The following USP42 variants were observed in gnomAD, a reference collection of about 807,000 sequenced individuals.
USP42 encodes the protein ubiquitin carboxyl-terminal hydrolase 42.
In USP42, 23 loss-of-function variants were observed where a neutral mutation model predicts 113.0. That is an observed-to-expected ratio of 0.20 (90% CI 0.15 to 0.29). USP42 has a LOEUF of 0.29. USP42 is among the 10% of genes least tolerant of loss of function. The pLI is 1.00. For synonymous variants in USP42, 933 were observed against 699.0 expected, an observed-to-expected ratio of 1.33 and a Z score of -5.28; for missense variants, 2,174 against 1,779.8, an observed-to-expected ratio of 1.22 and a Z score of -3.99.
chr7:6,121,371 G>C (rs971323436), intron 3 of USP42, among the ~76,000 whole-genome samples: 39 of 151,884 alleles, frequency 2.6e-4, no homozygotes, highest in African/African-American at 9.2e-4. Context: ...TGGTCATGAT[G>C]CATTATTCTA....
At chr7:6,100,359 C>T (rs947014058), upstream of USP42, among the ~76,000 whole-genome samples, 24 of 149,950 alleles carry the variant, frequency 1.6e-4, 2 homozygotes, top group Admixed American at 4.0e-4. Context: ...TACGGAGTTT[C>T]GCTCTTGTTG....
chr7:6,094,026 G>T, the USP42 span, among the ~76,000 whole-genome samples: 3 of 150,646 alleles, frequency 2.0e-5, 1 homozygote, highest in African/African-American at 7.5e-5. Flanking sequence ...AGTAGCTGGT[G>T]CGTGCCACCA....
the USP42 span, chr7:6,085,107 CTATTTATTTATT>C: frequency 9.3e-5 from 14 of 149,930 alleles, 1 homozygote; most frequent in Admixed American, 8.6e-4. Flanking sequence ...TTAGCCATTC[CTATTTATTTATT>C]TATTTATTTA....
At chr7:6,123,125 C>T (rs140975658) in intron 3 of USP42, among the ~76,000 whole-genome samples, 102 of 152,308 alleles carry the variant, frequency 6.7e-4, no homozygotes, top group African/African-American at 2.4e-3. Flanking sequence ...TGCACCTGGC[C>T]TGTTATGCCC....
At chr7:6,106,888 C>T (rs547536272) in intron 1 of USP42, among the ~76,000 whole-genome samples, 5 of 152,284 alleles carry the variant, frequency 3.3e-5, no homozygotes, top group African/African-American at 9.6e-5. Context: ...TTTTAATGCT[C>T]TTGTAACTTT....
rs932898062 is a variant in USP42 at position 6,159,098 on chromosome 7, G to C, written c.3944-352G>C. On this transcript the variant is annotated intron_variant, in intron 16 of 17. Coordinates refer to ENST00000306177, the MANE Select transcript of USP42 (RefSeq NM_032172.3). This position sits in a 1 kb window ranked among gnomAD's most constrained non-coding sequence, Gnocchi z 4.1. ...GCCTCACCCAGCGTCCTGTGGTCCTGCGGGTCCCCCTCTACCCTGGACTTC... is the reference window on the plus strand; with the variant it reads ...GCCTCACCCAGCGTCCTGTGGTCCTCCGGGTCCCCCTCTACCCTGGACTTC... Among the ~76,000 whole-genome samples, 1 of 152,202 alleles carries C rather than the reference G, an allele frequency of 6.6e-6. No homozygotes were observed. Among genetic ancestry groups the C allele is most frequent in the Non-Finnish European group, 1.5e-5 (1 of 68,028 alleles).
rs1329813522 is a variant in USP42 at position 6,154,524 on chromosome 7, C to A, written c.2970C>A (p.Arg990=). ...RRRTCPRERD[R]QDRHAPEHHP... is the part of the protein sequence containing the mutation. Reference sequence around the variant, plus strand: ...GCACCTGCCCCCGGGAGCGCGACCGCCAGGACCGCCACGCCCCGGAGCACC... The same window carrying A: ...GCACCTGCCCCCGGGAGCGCGACCGACAGGACCGCCACGCCCCGGAGCACC... The change falls in exon 15 of 18, where the codon CGC becomes CGA. Residue 990 remains arginine (R), a synonymous_variant. Coordinates refer to ENST00000306177, the MANE Select transcript of USP42 (RefSeq NM_032172.3). The A allele has an allele frequency of 1.3e-6, 2 of 1,541,992 alleles. No homozygotes were observed. Among genetic ancestry groups the A allele is most frequent in the Non-Finnish European group, 1.7e-6 (2 of 1,144,340 alleles).
chr7:6,120,490 G>A (rs1040920100), intron 3 of USP42, among the ~76,000 whole-genome samples: 1 of 152,078 alleles, frequency 6.6e-6, no homozygotes, highest in Non-Finnish European at 1.5e-5. Flanking sequence ...TGATCTGCCC[G>A]ACTCGGCCTC....
chr7:6,144,947 A>G (rs1296166658), intron 9 of USP42, among the ~76,000 whole-genome samples: 1 of 152,186 alleles, frequency 6.6e-6, no homozygotes, highest in Non-Finnish European at 1.5e-5. Context: ...CACTTAATAT[A>G]GATCCTGACT....
At chr7:6,134,615 G>A (rs1198192050) in intron 3 of USP42, among the ~76,000 whole-genome samples, 1 of 152,152 alleles carries the variant, frequency 6.6e-6, no homozygotes, top group African/African-American at 2.4e-5. Flanking sequence ...ATTCGAGGCT[G>A]TTGAGCGGCA....
At chr7:6,131,138 C>CT (rs1780829408) in intron 3 of USP42, among the ~76,000 whole-genome samples, 2 of 152,218 alleles carry the variant, frequency 1.3e-5, no homozygotes, top group South Asian at 4.1e-4. Context: ...TTTGCTACCT[C>CT]TAAGAATTGG....
At chr7:6,102,299 A>G (rs1316282585), upstream of USP42, among the ~76,000 whole-genome samples, 1 of 149,592 alleles carries the variant, frequency 6.7e-6, no homozygotes, top group Non-Finnish European at 1.5e-5. Flanking sequence ...TTTTTAGTAG[A>G]GACAGAGTTT....
chr7:6,104,513 G>A (rs1188429085), upstream of USP42, among the ~76,000 whole-genome samples: 1 of 152,258 alleles, frequency 6.6e-6, no homozygotes. Context: ...GGGGGACGGG[G>A]ATCCCAGACT....
At chr7:6,082,603 G>GTTTTT in the USP42 span, among the ~76,000 whole-genome samples, 249 of 90,168 alleles carry the variant, frequency 2.8e-3, 14 homozygotes, top group Non-Finnish European at 4.0e-3. Context: ...CTTTCTTTCT[G>GTTTTT]TTTTTTTTTT....
chr7:6,150,898 G>A (rs1049493181), intron 14 of USP42, among the ~76,000 whole-genome samples: 5 of 152,154 alleles, frequency 3.3e-5, no homozygotes, highest in African/African-American at 7.2e-5. Flanking sequence ...ACAGACATCC[G>A]TCCGTCCACA....
At chr7:6,145,469 T>A in intron 9 of USP42, 47 bp from the exon 10 acceptor site, 1 of 1,611,684 alleles carries the variant, frequency 6.2e-7, no homozygotes, top group Non-Finnish European at 8.5e-7. Flanking sequence ...ATATGTGGAA[T>A]GATCTGTGCC....
intron 8 of USP42, among the ~76,000 whole-genome samples, chr7:6,143,768 G>C (rs1781555816): frequency 6.6e-6 from 1 of 151,924 alleles, no homozygotes; most frequent in Non-Finnish European, 1.5e-5. Flanking sequence ...ATACCAGTCT[G>C]AACATGTTCG....
At position 6,139,725 on chromosome 7, in the gene USP42, C is replaced by A; in HGVS notation, c.657-403C>A. 3.8e-6 allele frequency: 1 copy of A among 263,440 alleles called. No individual in the cohort carries two copies. The allele number at this position is 263,440 out of a possible 1,614,324, so 16.3% of individuals were successfully genotyped here. ...CCTCTGCATTCTCCCTGCCCTGGCA[C>A]CGCCCTGTCTAGGACTTCATTGTCC... On this transcript the variant is annotated intron_variant, in intron 5 of 17. Coordinates refer to ENST00000306177, the MANE Select transcript of USP42 (RefSeq NM_032172.3). The surrounding 1 kb of genome is among the most constrained non-coding windows in gnomAD (Gnocchi z 4.5).
rs997032008 is a variant in USP42 at position 6,160,939 on chromosome 7, TATTTA to T, written c.*428_*432del. On this transcript the variant is annotated 3_prime_UTR_variant, in exon 18 of 18. Coordinates refer to ENST00000306177, the MANE Select transcript of USP42 (RefSeq NM_032172.3). ...CAAAAGTACAAACTGACAGTGTGTA[TATTTA>T]ATTTAAAGACTTATTTAAAAACTCA... The T allele has an allele frequency of 7.9e-5, 12 of 152,780 alleles. No homozygotes were observed. The South Asian group carries it at 2.3e-3, about 29-fold the overall frequency. 9.5% of individuals were successfully genotyped at this position (152,780 alleles called of 1,614,324 possible).
Sources: gnomAD v4.1 joint callset for allele counts (sites outside exome capture counted in the v4.1 genomes callset) on GRCh38, gnomAD v4.1.1 for gene constraint, Gnocchi (gnomAD v3.1) non-coding constraint, MANE v1.5 for transcripts, NCBI Gene and HGNC (gene_info 2026-07-23, HGNC 2026-07-21) for gene names.